The following TUSC3 variants were observed in gnomAD, a reference collection of about 807,000 sequenced individuals.
TUSC3 encodes the protein dolichyl-diphosphooligosaccharide--protein glycosyltransferase subunit TUSC3.
A neutral mutation model predicts 44.8 loss-of-function variants in TUSC3; 45 were observed. The observed-to-expected ratio is 1.00, with a 90% CI of 0.79 to 1.29. The LOEUF is 1.29. TUSC3 is among the 50% of genes most tolerant of loss of function. The pLI is 0.00. For synonymous variants in TUSC3, 212 were observed against 152.9 expected (o/e 1.39, Z -2.85); for missense variants, 519 against 437.9 (o/e 1.19, Z -1.65).
At chr8:15,622,766 T>G (rs767000965) in intron 1 of TUSC3, among the ~76,000 whole-genome samples, 3 of 152,096 alleles carry the variant, frequency 2.0e-5, no homozygotes, top group Non-Finnish European at 2.9e-5. Flanking sequence ...GGCTTCCCCT[T>G]TCTTTGTCCT....
chr8:15,621,415 C>T (rs10094375), intron 1 of TUSC3, among the ~76,000 whole-genome samples: 126,169 of 149,996 alleles, frequency 0.84, 53,296 homozygotes, highest in Non-Finnish European at 0.87. Context: ...TTCTACTGTT[C>T]TGGGTATATT....
chr8:15,561,341 TGAG>T (rs1381636431), intron 1 of TUSC3, among the ~76,000 whole-genome samples: 1 of 145,622 alleles, frequency 6.9e-6, no homozygotes, highest in Non-Finnish European at 1.5e-5. Context: ...GGGACCCACT[TGAG>T]GAGGCAGTCT....
intron 4 of TUSC3, among the ~76,000 whole-genome samples, chr8:15,661,196 A>T (rs1807407801): frequency 1.3e-5 from 2 of 151,986 alleles, no homozygotes; most frequent in African/African-American, 4.8e-5. Context: ...ATAGGTTTAC[A>T]TTTACATAAT....
chr8:15,693,317 A>G (rs192969324), intron 6 of TUSC3, among the ~76,000 whole-genome samples: 197 of 151,344 alleles, frequency 1.3e-3, no homozygotes, highest in Admixed American at 2.1e-3. Context: ...CACATTTAGT[A>G]CTCCCTTCAG....
chr8:15,750,662 G>A lies in TUSC3; in HGVS notation c.1028+2197G>A, dbSNP rs116101130. ...AAGCTTTGGAAAATACATATCCTTGGCCTCACCATAGATATAAATAGTAAG... is the reference window on the plus strand; with the variant it reads ...AAGCTTTGGAAAATACATATCCTTGACCTCACCATAGATATAAATAGTAAG... On this transcript the variant is annotated intron_variant, in intron 9 of 10. Coordinates refer to ENST00000503731, the MANE Select transcript of TUSC3 (RefSeq NM_006765.4). 6.6e-3 allele frequency among the ~76,000 whole-genome samples: 998 copies of A among 151,852 alleles called. 8 individuals carry two copies. The highest frequency in any genetic ancestry group is 0.023 in the African/African-American group (956 of 41,380).
intron 1 of TUSC3, among the ~76,000 whole-genome samples, chr8:15,578,806 G>T (rs931627835): frequency 3.9e-5 from 6 of 152,068 alleles, no homozygotes; most frequent in African/African-American, 1.4e-4. Flanking sequence ...CCTGGCTTTG[G>T]TATCAGAATG....
intron 1 of TUSC3, among the ~76,000 whole-genome samples, chr8:15,599,882 G>A (rs8180985): frequency 0.18 from 27,237 of 151,412 alleles, 2,476 homozygotes; most frequent in South Asian, 0.25. Flanking sequence ...TTAAATGTTG[G>A]TTGGCTATAA....
intron 1 of TUSC3, among the ~76,000 whole-genome samples, chr8:15,557,860 C>G (rs1479407384): frequency 8.8e-6 from 1 of 114,002 alleles, no homozygotes; most frequent in Non-Finnish European, 1.9e-5. Flanking sequence ...ATTTTGTATC[C>G]TGAGACTTTG....
chr8:15,420,396 G>T (rs1379303458), intron 1 of TUSC3, among the ~76,000 whole-genome samples: 3 of 152,014 alleles, frequency 2.0e-5, no homozygotes, highest in Non-Finnish European at 4.4e-5. Context: ...CTACTTGGAG[G>T]CTGAGGCAGG....
At chr8:15,821,934 A>AG in the TUSC3 span, among the ~76,000 whole-genome samples, 3 of 152,218 alleles carry the variant, frequency 2.0e-5, no homozygotes, top group Non-Finnish European at 4.4e-5. Context: ...AGACAGGTAA[A>AG]GAGGGTGACC....
At chr8:15,832,791 T>C in the TUSC3 span, among the ~76,000 whole-genome samples, 4 of 152,062 alleles carry the variant, frequency 2.6e-5, no homozygotes, top group Non-Finnish European at 5.9e-5. Flanking sequence ...AGCAAGTTCT[T>C]AGAGACCTTT....
chr8:15,588,044 A>G (rs1035182700), intron 1 of TUSC3, among the ~76,000 whole-genome samples: 3 of 152,156 alleles, frequency 2.0e-5, no homozygotes, highest in Non-Finnish European at 4.4e-5. Flanking sequence ...TCTTTTTAAT[A>G]TACTGACTTC....
chr8:15,527,900 A>C (rs1801397143), intron 2 of TUSC3, among the ~76,000 whole-genome samples: 2 of 152,240 alleles, frequency 1.3e-5, no homozygotes, highest in Non-Finnish European at 2.9e-5. Flanking sequence ...CTTTTTAATG[A>C]GTAAAACAAT....
intron 1 of TUSC3, among the ~76,000 whole-genome samples, chr8:15,549,877 C>G (rs1182912361): frequency 6.6e-6 from 1 of 151,610 alleles, no homozygotes; most frequent in African/African-American, 2.4e-5. Flanking sequence ...CCCTCAGACA[C>G]TGAATTGTAG....
rs973497372 is a variant in TUSC3, at chr8:15,716,825, A to G, written c.799-13841A>G. Among the ~76,000 whole-genome samples, 6 of 152,174 alleles carry G rather than the reference A, an allele frequency of 3.9e-5. No homozygotes were observed. In the South Asian group the frequency reaches 1.2e-3, roughly 32 times the overall value. On this transcript the variant is annotated intron_variant, in intron 6 of 10. Transcript: ENST00000503731. Reference sequence around the variant, plus strand: ...TTATTTAAATCATCACTTTTTCTCTACTATTTATACGATTTTTTTGAGTTT... The same window carrying G: ...TTATTTAAATCATCACTTTTTCTCTGCTATTTATACGATTTTTTTGAGTTT...
At chr8:15,623,869 A>G (rs986587923) in intron 2 of TUSC3, among the ~76,000 whole-genome samples, 7 of 152,160 alleles carry the variant, frequency 4.6e-5, no homozygotes, top group African/African-American at 9.7e-5. Flanking sequence ...CAAATTCACA[A>G]GTAGGGTACT....
At chr8:15,758,377 T>G (rs1248607928) in intron 10 of TUSC3, 1 of 333,684 alleles carries the variant, frequency 3.0e-6, no homozygotes, top group Non-Finnish European at 4.2e-6. Context: ...ACTGTCAATT[T>G]TATATATATA....
At chr8:15,609,673 A>C (rs1270029747) in intron 1 of TUSC3, among the ~76,000 whole-genome samples, 1 of 152,106 alleles carries the variant, frequency 6.6e-6, no homozygotes, top group African/African-American at 2.4e-5. Context: ...TTCCCATTAT[A>C]ATGATACTGT....
At chr8:15,731,367 C>G (rs966103121) in intron 7 of TUSC3, among the ~76,000 whole-genome samples, 1 of 152,106 alleles carries the variant, frequency 6.6e-6, no homozygotes, top group Non-Finnish European at 1.5e-5. Context: ...AACATTGATT[C>G]TCATTATGAG....
Sources: allele counts gnomAD v4.1 joint callset (sites outside exome capture counted in the v4.1 genomes callset), GRCh38; gene constraint gnomAD v4.1.1; transcripts MANE v1.5; gene names NCBI Gene and HGNC (gene_info 2026-07-23, HGNC 2026-07-21).